Variants in EPHB2 observed in about 807,000 individuals in gnomAD.
EPHB2 encodes the protein ephrin type-B receptor 2.
A neutral mutation model predicts 96.4 loss-of-function variants in EPHB2; 18 were observed. The observed-to-expected ratio is 0.19, with a 90% CI of 0.13 to 0.28. EPHB2 has a LOEUF of 0.28. EPHB2 is among the 10% of genes least tolerant of loss of function. The pLI is 1.00. For missense variants in EPHB2, 989 were observed against 1,355.4 expected, an observed-to-expected ratio of 0.73 and a Z score of 4.25; for synonymous variants, 506 against 534.1, an observed-to-expected ratio of 0.95 and a Z score of 0.72.
In EPHB2 at chr1:22,896,593, G is replaced by A. The variant is rs1639572026; in HGVS notation, c.1765+115G>A. The A allele has an allele frequency of 1.3e-5, 18 of 1,405,928 alleles. No homozygotes were observed. In the East Asian group the frequency reaches 3.7e-4, roughly 29 times the overall value. 87.1% of individuals were successfully genotyped at this position (1,405,928 alleles called of 1,614,324 possible). A position where few individuals can be genotyped will look rare whatever the true frequency, so the allele number is the denominator to read the frequency against. On this transcript the variant is annotated intron_variant, in intron 9 of 15. Coordinates refer to ENST00000374630, the MANE Select transcript of EPHB2 (RefSeq NM_017449.5). Reference sequence around the variant, plus strand: ...CCATGCTGCAGGCAGACAATGTCAAGTGGTTGCCTGGTTGCACTAAGCTCA... The same window carrying A: ...CCATGCTGCAGGCAGACAATGTCAAATGGTTGCCTGGTTGCACTAAGCTCA...
intron 3 of EPHB2, among the ~76,000 whole-genome samples, chr1:22,815,181 G>T (rs917076207): frequency 6.6e-6 from 1 of 152,142 alleles, no homozygotes; most frequent in Non-Finnish European, 1.5e-5. Context: ...GGCCCACCAC[G>T]TGCCTGCTCT....
rs558670213 is a variant in EPHB2, at chr1:22,901,822, T to A, written c.1766-4165T>A. ...TTAACTTCGTGTGTGTGTGTGTGAG[T>A]GTGTGTGTGTGTGTGTGTGTGTGTA... On this transcript the variant is annotated intron_variant, in intron 9 of 15. Coordinates refer to ENST00000374630, the MANE Select transcript of EPHB2 (RefSeq NM_017449.5). 1.6e-3 allele frequency among the ~76,000 whole-genome samples: 232 copies of A among 148,152 alleles called. 1 individual carries two copies. Among genetic ancestry groups the A allele is most frequent in the Non-Finnish European group, 2.7e-3 (182 of 66,822 alleles).
At chr1:22,780,964 G>A (rs1201915246) in intron 1 of EPHB2, among the ~76,000 whole-genome samples, 1 of 152,046 alleles carries the variant, frequency 6.6e-6, no homozygotes, top group Non-Finnish European at 1.5e-5. Flanking sequence ...TGGAGAGTTA[G>A]AGTCAGATGA....
chr1:22,873,352 C>T (rs982638544), intron 5 of EPHB2, among the ~76,000 whole-genome samples: 2 of 152,210 alleles, frequency 1.3e-5, no homozygotes, highest in Admixed American at 6.5e-5. Flanking sequence ...TCCAACATGT[C>T]TCAGCCTCCA....
chr1:22,921,082 CG>C lies in EPHB2; in HGVS notation c.*7519del. On this transcript the variant is annotated 3_prime_UTR_variant, in exon 16 of 16. Coordinates refer to ENST00000374630, the MANE Select transcript of EPHB2 (RefSeq NM_017449.5). ...CTTTGCCAGTCAAATCCCAGATCCC[CG>C]GGGGGGCACTGTGGCACCCTCTTTG... 6.6e-6 allele frequency: 1 copy of C among 152,422 alleles called. No homozygotes were observed. Among genetic ancestry groups the C allele is most frequent in the Non-Finnish European group, 1.5e-5 (1 of 68,198 alleles). 9.4% of individuals were successfully genotyped at this position (152,422 alleles called of 1,614,324 possible).
intron 1 of EPHB2, among the ~76,000 whole-genome samples, chr1:22,757,888 C>T (rs1208454800): frequency 6.8e-6 from 1 of 146,642 alleles, no homozygotes; most frequent in Non-Finnish European, 1.5e-5. Context: ...TCAGACCATG[C>T]TCACTATGTG....
intron 3 of EPHB2, among the ~76,000 whole-genome samples, chr1:22,830,062 A>C (rs1645281180): frequency 6.6e-6 from 1 of 152,176 alleles, no homozygotes; most frequent in Non-Finnish European, 1.5e-5. Flanking sequence ...ACTGGTGGGA[A>C]GGGGGGACTA....
chr1:22,757,957 T>C (rs1242079886), intron 1 of EPHB2, among the ~76,000 whole-genome samples: 13 of 126,168 alleles, frequency 1.0e-4, no homozygotes, highest in Non-Finnish European at 1.6e-4. Flanking sequence ...CTCGCTCTGT[T>C]GCCCAGGCTG....
intron 3 of EPHB2, among the ~76,000 whole-genome samples, chr1:22,848,766 G>A: frequency 6.6e-6 from 1 of 152,092 alleles, no homozygotes; most frequent in East Asian, 1.9e-4. Flanking sequence ...CTGGGACCTC[G>A]AGTGGGATTT....
intron 14 of EPHB2, among the ~76,000 whole-genome samples, chr1:22,910,998 C>T (rs1640080709): frequency 6.6e-6 from 1 of 151,948 alleles, no homozygotes; most frequent in African/African-American, 2.4e-5. Context: ...AATTAGCCAG[C>T]CCCTGGTGGT....
At position 22,913,896 on chromosome 1, in the gene EPHB2, T is replaced by C; in HGVS notation, c.*326T>C. 6.4e-7 allele frequency: 1 copy of C among 1,568,518 alleles called. No individual in the cohort carries two copies. The highest frequency in any genetic ancestry group is 8.6e-7 in the Non-Finnish European group (1 of 1,159,464). On this transcript the variant is annotated 3_prime_UTR_variant, in exon 16 of 16. Coordinates refer to ENST00000374630, the MANE Select transcript of EPHB2 (RefSeq NM_017449.5). This position sits in a 1 kb window ranked among gnomAD's most constrained non-coding sequence, Gnocchi z 4.1. ...AAAAGGGCTTGGGAGATTCATGCGA[T>C]GTGTCCAATCGGAGACAAAAGCAGT... is the stretch of plus-strand genomic sequence containing the variant.
rs1485376782 is a variant in EPHB2, at chr1:22,913,852, CTG to C, written c.*284_*285del. ...AGGATTCTCATAAGGAAAGCAATGACTGTTCTTGCGGGGGATAAAAAAGGGCT... is the reference window on the plus strand; with the variant it reads ...AGGATTCTCATAAGGAAAGCAATGACTTCTTGCGGGGGATAAAAAAGGGCT... On this transcript the variant is annotated 3_prime_UTR_variant, in exon 16 of 16. Transcript: ENST00000374630. This position sits in a 1 kb window ranked among gnomAD's most constrained non-coding sequence, Gnocchi z 4.1. 6.2e-7 allele frequency: 1 copy of C among 1,606,742 alleles called. No individual in the cohort carries two copies. The highest frequency in any genetic ancestry group is 1.7e-5 in the Admixed American group (1 of 58,610).
At chr1:22,749,834 A>G (rs112754155) in intron 1 of EPHB2, among the ~76,000 whole-genome samples, 3 of 152,228 alleles carry the variant, frequency 2.0e-5, no homozygotes, top group African/African-American at 7.2e-5. Context: ...CCCTGCCCTC[A>G]TGGAACACCT....
chr1:22,884,820 G>A (rs886888953), intron 6 of EPHB2, among the ~76,000 whole-genome samples: 9 of 151,920 alleles, frequency 5.9e-5, no homozygotes, highest in South Asian at 2.1e-4. Flanking sequence ...GCCATCCAGC[G>A]CCCCATTTCA....
At chr1:22,909,484 G>T (rs1640022029) in intron 13 of EPHB2, among the ~76,000 whole-genome samples, 1 of 152,220 alleles carries the variant, frequency 6.6e-6, no homozygotes, top group African/African-American at 2.4e-5. Flanking sequence ...CACCTAACTG[G>T]GGGACAAGAC....
chr1:22,729,068 G>A (rs1643647428), intron 1 of EPHB2, among the ~76,000 whole-genome samples: 1 of 152,202 alleles, frequency 6.6e-6, no homozygotes, highest in African/African-American at 2.4e-5. Context: ...CTGCTCACTC[G>A]GGGTAATGCC....
intron 1 of EPHB2, among the ~76,000 whole-genome samples, chr1:22,728,182 T>C (rs1259463739): frequency 6.6e-6 from 1 of 152,194 alleles, no homozygotes; most frequent in Non-Finnish European, 1.5e-5. Context: ...TTACAAATGC[T>C]CAGCATGGCA....
Position 22,858,077 on chromosome 1 carries a change from G to A in EPHB2, c.812-4960G>A, listed in dbSNP as rs1441290770. 6.6e-6 allele frequency among the ~76,000 whole-genome samples: 1 copy of A among 152,200 alleles called. No individual in the cohort carries two copies. Among genetic ancestry groups the A allele is most frequent in the East Asian group, 1.9e-4 (1 of 5,198 alleles). On this transcript the variant is annotated intron_variant, in intron 3 of 15. Coordinates refer to ENST00000374630, the MANE Select transcript of EPHB2 (RefSeq NM_017449.5). The surrounding 1 kb of genome is among the most constrained non-coding windows in gnomAD (Gnocchi z 7.7). ...GGTGGTCAGGGTGGGCCTCTCGGAG[G>A]AGGTGGCATTTAAGCTGGGGTCTGA...
Position 22,913,024 on chromosome 1 carries a change from C to G in EPHB2, c.2852+425C>G, listed in dbSNP as rs1640158658. The G allele has an allele frequency of 5.7e-6, 2 of 350,148 alleles. No individual in the cohort carries two copies. Among genetic ancestry groups the G allele is most frequent in the Non-Finnish European group, 1.1e-5 (2 of 179,576 alleles). The allele number at this position is 350,148 out of a possible 1,614,324, so 21.7% of individuals were successfully genotyped here. ...CCTGACCAACATGGTGAAACCCCGT[C>G]TCTACTAAAATGCAAAAAATTAGCC... On this transcript the variant is annotated intron_variant, in intron 15 of 15. Coordinates refer to ENST00000374630, the MANE Select transcript of EPHB2 (RefSeq NM_017449.5). The surrounding 1 kb of genome is among the most constrained non-coding windows in gnomAD (Gnocchi z 4.1).
Sources: allele counts gnomAD v4.1 joint callset (sites outside exome capture counted in the v4.1 genomes callset), GRCh38; gene constraint gnomAD v4.1.1; non-coding constraint Gnocchi (gnomAD v3.1); transcripts MANE v1.5; gene names NCBI Gene and HGNC (gene_info 2026-07-23, HGNC 2026-07-21).